The following SCD5 variants were observed in gnomAD, a reference collection of about 807,000 sequenced individuals.
SCD5 encodes the protein acyl-CoA-desaturase 4.
In SCD5, 20 loss-of-function variants were observed where a neutral mutation model predicts 30.4. The ratio of observed to expected loss-of-function variants is 0.66; its 90% CI spans 0.46 to 0.96. The LOEUF is 0.96. Ranked by LOEUF, SCD5 falls within the 40% of genes least tolerant of loss-of-function variation. SCD5 has a pLI of 0.00. For synonymous variants in SCD5, 173 were observed against 176.4 expected, an observed-to-expected ratio of 0.98 and a Z score of 0.16; for missense variants, 381 against 443.3, an observed-to-expected ratio of 0.86 and a Z score of 1.26.
intron 1 of SCD5, among the ~76,000 whole-genome samples, chr4:82,781,285 G>A (rs114579642): frequency 0.019 from 2,907 of 152,010 alleles, 83 homozygotes; most frequent in African/African-American, 0.064. Context: ...GCGTGGCGGC[G>A]TGCTCCTGTA....
intron 1 of SCD5, among the ~76,000 whole-genome samples, chr4:82,731,071 T>C (rs142827654): frequency 2.6e-5 from 4 of 152,284 alleles, no homozygotes; most frequent in African/African-American, 7.2e-5. Context: ...ATATTTTAGT[T>C]TTTTTCAATT....
intron 1 of SCD5, among the ~76,000 whole-genome samples, chr4:82,770,730 C>T (rs1721602772): frequency 6.6e-6 from 1 of 152,328 alleles, no homozygotes; most frequent in African/African-American, 2.4e-5. Context: ...TTACCACAAG[C>T]TCTTCTGATT....
chr4:82,691,391 G>A (rs1728833547), intron 2 of SCD5, among the ~76,000 whole-genome samples: 1 of 152,138 alleles, frequency 6.6e-6, no homozygotes, highest in Admixed American at 6.5e-5. Context: ...GTGTGGGAGG[G>A]AGAGGGGAAT....
intron 3 of SCD5, among the ~76,000 whole-genome samples, chr4:82,679,623 T>TA (rs146170350): frequency 0.024 from 3,684 of 152,254 alleles, 74 homozygotes; most frequent in South Asian, 0.098. Flanking sequence ...AGCTGAGACT[T>TA]AGAGTGGTTG....
chr4:82,751,093 T>G (rs1253040174), intron 1 of SCD5, among the ~76,000 whole-genome samples: 1 of 152,218 alleles, frequency 6.6e-6, no homozygotes, highest in Non-Finnish European at 1.5e-5. Context: ...CACAAAGAGC[T>G]GTGTAAACCC....
chr4:82,787,671 G>C (rs544430822), intron 1 of SCD5, among the ~76,000 whole-genome samples: 2 of 152,136 alleles, frequency 1.3e-5, no homozygotes, highest in African/African-American at 4.8e-5. Context: ...GGGCTTTGGG[G>C]AGGTAATTAG....
rs1257646017 is a variant in SCD5, at chr4:82,687,160, G to A, written c.364-6248C>T. Among the ~76,000 whole-genome samples the A allele has an allele frequency of 5.6e-4, 68 of 120,688 alleles. 1 individual carries two copies. The highest frequency in any genetic ancestry group is 2.1e-3 in the African/African-American group (66 of 31,884). 79.2% of individuals were successfully genotyped at this position (120,688 alleles called of 152,430 possible). ...CACTCCAGCCTGGGCAACAGAGTAAGACCTTGTTACAAGAAAAAAAAAAAA... is the reference window on the plus strand; with the variant it reads ...CACTCCAGCCTGGGCAACAGAGTAAAACCTTGTTACAAGAAAAAAAAAAAA... On this transcript the variant is annotated intron_variant, in intron 2 of 4. Transcript: ENST00000319540.
intron 2 of SCD5, among the ~76,000 whole-genome samples, chr4:82,691,552 T>C (rs114461233): frequency 0.014 from 2,069 of 152,206 alleles, 39 homozygotes; most frequent in African/African-American, 0.044. Flanking sequence ...TTGTGCCTGG[T>C]TCTTGGCACA....
chr4:82,718,509 A>C (rs1251165811), intron 1 of SCD5, among the ~76,000 whole-genome samples: 2 of 151,964 alleles, frequency 1.3e-5, no homozygotes, highest in Middle Eastern at 6.8e-3. Flanking sequence ...CCACAGGCCA[A>C]GGACAAACAT....
intron 1 of SCD5, among the ~76,000 whole-genome samples, chr4:82,767,073 G>C (rs1578059763): frequency 6.6e-6 from 1 of 152,162 alleles, no homozygotes; most frequent in East Asian, 1.9e-4. Flanking sequence ...ATTCCGGCTG[G>C]TGGGAATACA....
chr4:82,738,488 C>T (rs1329218647), intron 1 of SCD5, among the ~76,000 whole-genome samples: 1 of 152,174 alleles, frequency 6.6e-6, no homozygotes, highest in African/African-American at 2.4e-5. Flanking sequence ...AAGAAAGATC[C>T]CCAGTTGGGG....
rs1367055593 is a variant in SCD5, at chr4:82,630,429, C to T, written c.*898G>A. 6.6e-6 allele frequency: 1 copy of T among 152,194 alleles called. No individual in the cohort carries two copies. Among genetic ancestry groups the T allele is most frequent in the Non-Finnish European group, 1.5e-5 (1 of 68,042 alleles). The allele number at this position is 152,194 out of a possible 1,614,324, so 9.4% of individuals were successfully genotyped here. A position where few individuals can be genotyped will look rare whatever the true frequency, so the allele number is the denominator to read the frequency against. On this transcript the variant is annotated 3_prime_UTR_variant, in exon 5 of 5. Transcript: ENST00000319540. ...ACATAGATCCCCCTTCTGTCTTCTA[C>T]CCTGCCTCTCTGCTCCTTCAGATGG...
chr4:82,665,259 A>G (rs925624093), intron 3 of SCD5, among the ~76,000 whole-genome samples: 1 of 148,672 alleles, frequency 6.7e-6, no homozygotes, highest in African/African-American at 2.5e-5. Context: ...AAGAGTTCCA[A>G]AGAAAAAGAG....
intron 1 of SCD5, among the ~76,000 whole-genome samples, chr4:82,749,410 C>T (rs1200154750): frequency 2.0e-5 from 3 of 152,130 alleles, no homozygotes; most frequent in Non-Finnish European, 4.4e-5. Flanking sequence ...AAAATACAGG[C>T]CAGCTAGGCT....
chr4:82,761,583 T>C (rs1449016309), intron 1 of SCD5, among the ~76,000 whole-genome samples: 3 of 151,988 alleles, frequency 2.0e-5, no homozygotes, highest in Non-Finnish European at 4.4e-5. Context: ...TTTCTTTTTT[T>C]TTTATTATTA....
At chr4:82,755,274 C>T (rs1430534083) in intron 1 of SCD5, among the ~76,000 whole-genome samples, 20 of 152,076 alleles carry the variant, frequency 1.3e-4, no homozygotes, top group African/African-American at 4.8e-4. Context: ...CTGAGGCAGG[C>T]AGATCACCTG....
chr4:82,656,260 A>G (rs1727865741), intron 3 of SCD5, among the ~76,000 whole-genome samples: 1 of 151,828 alleles, frequency 6.6e-6, no homozygotes, highest in Non-Finnish European at 1.5e-5. Context: ...ATCCCCCCAC[A>G]ACCCCCCAAC....
intron 3 of SCD5, among the ~76,000 whole-genome samples, chr4:82,643,087 A>T (rs1727576800): frequency 1.3e-5 from 2 of 152,184 alleles, no homozygotes; most frequent in Admixed American, 6.5e-5. Flanking sequence ...GAGGGGAAGG[A>T]TGGCCATACC....
chr4:82,697,790 C>T (rs569344884), intron 2 of SCD5, among the ~76,000 whole-genome samples: 2 of 152,302 alleles, frequency 1.3e-5, no homozygotes, highest in East Asian at 1.9e-4. Flanking sequence ...CCTGCTAGGC[C>T]ACCTCCCACC....
Sources: allele counts gnomAD v4.1 joint callset (sites outside exome capture counted in the v4.1 genomes callset), GRCh38; gene constraint gnomAD v4.1.1; transcripts MANE v1.5; gene names NCBI Gene and HGNC (gene_info 2026-07-23, HGNC 2026-07-21).